Variants in TBC1D24 observed in about 807,000 individuals in gnomAD.
TBC1D24 encodes the protein Infantile myoclonic epilepsy.
TBC1D24 carries 47 observed loss-of-function variants against 50.7 expected under a neutral mutation model. That is an observed-to-expected ratio of 0.93 (90% CI 0.73 to 1.18). The LOEUF (loss-of-function observed/expected upper bound fraction) is 1.18. Ranked by LOEUF, TBC1D24 falls within the 50% of genes most tolerant of loss-of-function variation. TBC1D24 has a pLI of 0.00. For missense variants in TBC1D24, 688 were observed against 766.5 expected, an observed-to-expected ratio of 0.90 and a Z score of 1.21; for synonymous variants, 324 against 335.2, an observed-to-expected ratio of 0.97 and a Z score of 0.36.
intron 2 of TBC1D24, 42 bp from the exon 3 acceptor site, chr16:2,497,668 T>C: frequency 6.5e-7 from 1 of 1,534,026 alleles, no homozygotes. Context: ...TTGTCTGTTT[T>C]ATTTTTCTTC....
Position 2,499,484 on chromosome 16 carries a change from CCAGGGCTGGCTCTGATGGGCTT to C in TBC1D24, c.1206+71_1206+92del. On this transcript the variant is annotated intron_variant, in intron 5 of 7. Transcript: ENST00000646147. The surrounding 1 kb of genome is among the most constrained non-coding windows in gnomAD (Gnocchi z 4.0). ...GCTCCAGGGCTGGCTCTGATGGGCT[CCAGGGCTGGCTCTGATGGGCTT>C]CAGGGCCTAGGCCTCCTGGGCCAGA... The C allele has an allele frequency of 2.1e-6, 3 of 1,449,930 alleles. No homozygotes were observed. Among genetic ancestry groups the C allele is most frequent in the Non-Finnish European group, 2.9e-6 (3 of 1,045,634 alleles). 89.8% of individuals were successfully genotyped at this position (1,449,930 alleles called of 1,614,324 possible).
intron 1 of TBC1D24, among the ~76,000 whole-genome samples, chr16:2,490,783 T>C (rs1180220917): frequency 6.6e-6 from 1 of 152,226 alleles, no homozygotes; most frequent in Non-Finnish European, 1.5e-5. Context: ...GCCAGGCCTG[T>C]CTAACTGCAA....
At chr16:2,476,788 G>A (rs1026911295) in intron 1 of TBC1D24, 3 of 152,238 alleles carry the variant, frequency 2.0e-5, no homozygotes, top group Non-Finnish European at 4.4e-5. Flanking sequence ...CCGAGATGCA[G>A]AAGTAATCTA....
intron 1 of TBC1D24, among the ~76,000 whole-genome samples, chr16:2,489,866 C>G (rs182556062): frequency 6.6e-6 from 1 of 152,346 alleles, no homozygotes; most frequent in African/African-American, 2.4e-5. Context: ...CTCAGTAAAT[C>G]CCGCAACAGA....
intron 1 of TBC1D24, chr16:2,477,140 C>G (rs905763638): frequency 1.3e-5 from 2 of 152,234 alleles, no homozygotes; most frequent in African/African-American, 4.8e-5. Flanking sequence ...AAGTCCTTTT[C>G]AACTCAAAGC....
chr16:2,497,610 G>T, intron 2 of TBC1D24, 100 bp from the exon 3 acceptor site: 7 of 1,233,596 alleles, frequency 5.7e-6, no homozygotes, highest in Non-Finnish European at 5.7e-6. Flanking sequence ...TCTTTCTTCT[G>T]GGCCAGCAAA....
At chr16:2,489,815 C>A (rs1270072338) in intron 1 of TBC1D24, among the ~76,000 whole-genome samples, 2 of 152,240 alleles carry the variant, frequency 1.3e-5, no homozygotes. Flanking sequence ...GCTGAGCGGT[C>A]CTGGCCGGCC....
intron 4 of TBC1D24, 144 bp downstream of exon 4, chr16:2,498,540 G>A (rs960953699): frequency 1.2e-6 from 1 of 816,386 alleles, no homozygotes; most frequent in Non-Finnish European, 1.9e-6. Flanking sequence ...GTCCCTTTCT[G>A]GGCTCTGTCC....
intron 1 of TBC1D24, among the ~76,000 whole-genome samples, chr16:2,476,262 G>T (rs537005569): frequency 6.6e-6 from 1 of 152,364 alleles, no homozygotes; most frequent in South Asian, 2.1e-4. Context: ...CACACAGTAG[G>T]CACCTGTAGA....
In TBC1D24 at chr16:2,500,838, G is replaced by C. The variant is rs971385188; in HGVS notation, c.1560G>C (p.Gly520=). The stretch of plus-strand genomic sequence containing the variant: ...GCGGCCAGGCGCTCTACATCGATGG[G>C]GACCTGAACCGGGGCCGCACAAGCC... ...GGGGQALYID[G]DLNRGRTSHC... The change falls in exon 8 of 8, where the codon GGG becomes GGC. Residue 520 remains glycine (G), a synonymous_variant. Transcript: ENST00000646147. The surrounding 1 kb of genome is among the most constrained non-coding windows in gnomAD (Gnocchi z 8.0). 1 of 1,608,858 alleles carries C rather than the reference G, an allele frequency of 6.2e-7. No individual in the cohort carries two copies. Among genetic ancestry groups the C allele is most frequent in the Non-Finnish European group, 8.5e-7 (1 of 1,179,884 alleles).
Position 2,496,384 on chromosome 16 carries a change from G to A in TBC1D24, c.236G>A (p.Gly79Asp). Residue 79 changes from glycine (G) to aspartate (D), a missense_variant, in exon 2 of 8, where the codon GGC becomes GAC. Physicochemically the swap from Gly to Asp is moderately conservative, Grantham distance 94. Coordinates refer to ENST00000646147, the MANE Select transcript of TBC1D24 (RefSeq NM_001199107.2). ...GCCAGCGTGTACAGCGACATCGTGGGCAAGATCGTGGGCAAGCACAGCAGC... is the reference window on the plus strand; with the variant it reads ...GCCAGCGTGTACAGCGACATCGTGGACAAGATCGTGGGCAAGCACAGCAGC... ...PDASVYSDIV[G>D]KIVGKHSSSC... 6.2e-7 allele frequency: 1 copy of A among 1,613,262 alleles called. No homozygotes were observed. Among genetic ancestry groups the A allele is most frequent in the Non-Finnish European group, 8.5e-7 (1 of 1,179,972 alleles).
At chr16:2,491,759 T>C (rs1481177335) in intron 1 of TBC1D24, among the ~76,000 whole-genome samples, 1 of 152,154 alleles carries the variant, frequency 6.6e-6, no homozygotes, top group African/African-American at 2.4e-5. Flanking sequence ...TTTTACCTGC[T>C]GGCCAGGCTG....
rs1033954709 is a variant in TBC1D24 at position 2,486,908 on chromosome 16, T to A, written c.-115-9126T>A. 2.0e-5 allele frequency among the ~76,000 whole-genome samples: 3 copies of A among 151,960 alleles called. No homozygotes were observed. Among genetic ancestry groups the A allele is most frequent in the Non-Finnish European group, 2.9e-5 (2 of 67,978 alleles). ...TCCAACCCTGAGCCATCTCTGGGGG[T>A]CCCCTCATCTTCTCCACCCTCCCGG... On this transcript the variant is annotated intron_variant, in intron 1 of 7. Transcript: ENST00000646147. The surrounding 1 kb of genome is among the most constrained non-coding windows in gnomAD (Gnocchi z 5.8).
intron 1 of TBC1D24, chr16:2,476,620 G>A (rs1262487824): frequency 1.3e-5 from 2 of 152,258 alleles, no homozygotes; most frequent in Admixed American, 6.5e-5. Context: ...CTGTGAAGAG[G>A]GCGGGAGCCA....
At position 2,505,419 on chromosome 16, in the gene TBC1D24, A is replaced by G. The variant is rs533219337; in HGVS notation, c.*4461A>G. 1 of 152,392 alleles carries G rather than the reference A, an allele frequency of 6.6e-6. No individual in the cohort carries two copies. The highest frequency in any genetic ancestry group is 2.1e-4 in the South Asian group (1 of 4,828). The allele number at this position is 152,392 out of a possible 1,614,324, so 9.4% of individuals were successfully genotyped here. A position where few individuals can be genotyped will look rare whatever the true frequency, so the allele number is the denominator to read the frequency against. Reference sequence around the variant, plus strand: ...GTAGACATGTCACTTGTGATAAGGCACGGACAACATGAACTGGCAAAAACA... The same window carrying G: ...GTAGACATGTCACTTGTGATAAGGCGCGGACAACATGAACTGGCAAAAACA... On this transcript the variant is annotated 3_prime_UTR_variant, in exon 8 of 8. Coordinates refer to ENST00000646147, the MANE Select transcript of TBC1D24 (RefSeq NM_001199107.2).
At chr16:2,495,889 C>T (rs1395832941) in intron 1 of TBC1D24, 145 bp from the exon 2 acceptor site, 1 of 459,910 alleles carries the variant, frequency 2.2e-6, no homozygotes, top group South Asian at 2.3e-5. Context: ...AGCAGGGTCA[C>T]GCCACTGCAC....
chr16:2,497,822 G>A (rs1207669858), intron 3 of TBC1D24, 95 bp downstream of exon 3: 93 of 1,301,316 alleles, frequency 7.1e-5, no homozygotes, highest in Admixed American at 4.0e-4. Flanking sequence ...GGCTGCTCTC[G>A]TGGGCCAGCT....
intron 1 of TBC1D24, chr16:2,479,520 C>T (rs977828302): frequency 1.3e-4 from 20 of 152,330 alleles, no homozygotes; most frequent in African/African-American, 4.6e-4. Flanking sequence ...TGGAAAAAGT[C>T]TGCTGAGAAC....
chr16:2,502,351 A>G lies in TBC1D24; in HGVS notation c.*1393A>G, dbSNP rs1327095288. On this transcript the variant is annotated 3_prime_UTR_variant, in exon 8 of 8. Transcript: ENST00000646147. ...GGGAGAAGGGAGACACAGAGGCCCA[A>G]GTGGCTGTTCTGGGACCATGGAAGC... 1.3e-5 allele frequency: 2 copies of G among 152,336 alleles called. No homozygotes were observed. Among genetic ancestry groups the G allele is most frequent in the Non-Finnish European group, 2.9e-5 (2 of 68,114 alleles). 9.4% of individuals were successfully genotyped at this position (152,336 alleles called of 1,614,324 possible).
Sources: allele counts gnomAD v4.1 joint callset (sites outside exome capture counted in the v4.1 genomes callset), GRCh38; gene constraint gnomAD v4.1.1; non-coding constraint Gnocchi (gnomAD v3.1); transcripts MANE v1.5; gene names NCBI Gene and HGNC (gene_info 2026-07-23, HGNC 2026-07-21).